Variants in CHTF8 observed in about 807,000 individuals in gnomAD.
The protein encoded by CHTF8 is chromosome transmission fidelity protein 8 homolog.
Under a neutral mutation model 11.0 loss-of-function variants are expected in CHTF8, and 6 were observed. The ratio of observed to expected loss-of-function variants is 0.55; its 90% CI spans 0.30 to 1.08. CHTF8 has a LOEUF of 1.08. Ranked by LOEUF, CHTF8 falls within the 50% of genes least tolerant of loss-of-function variation. CHTF8 has a pLI of 0.07. For missense variants in CHTF8, 140 were observed against 153.1 expected (o/e 0.91, Z 0.45); for synonymous variants, 53 against 60.5 (o/e 0.88, Z 0.57).
At chr16:69,130,135 C>G (rs1394314425) in intron 1 of CHTF8, among the ~76,000 whole-genome samples, 1 of 152,184 alleles carries the variant, frequency 6.6e-6, no homozygotes, top group Non-Finnish European at 1.5e-5. Flanking sequence ...GAGAACAGAA[C>G]AGCCTGAGCA....
Position 69,129,863 on chromosome 16 carries a change from G to C in CHTF8, c.-36+2621C>G, listed in dbSNP as rs573488544. On this transcript the variant is annotated intron_variant, in intron 1 of 3. Transcript: ENST00000448552. ...TTGCCACCAAAGTATTATATCTGTG[G>C]GGTAGGCAGCTAAAAACAAAGAAGC... 1.6e-4 allele frequency among the ~76,000 whole-genome samples: 24 copies of C among 152,284 alleles called. No homozygotes were observed. In the South Asian group the frequency reaches 4.6e-3, roughly 29 times the overall value.
In CHTF8 at chr16:69,118,876, G is replaced by C. The variant is rs746217118; in HGVS notation, c.*1549C>G. 34 of 702,828 alleles carry C rather than the reference G, an allele frequency of 4.8e-5. No individual in the cohort carries two copies. The allele number at this position is 702,828 out of a possible 1,614,324, so 43.5% of individuals were successfully genotyped here. A position where few individuals can be genotyped will look rare whatever the true frequency, so the allele number is the denominator to read the frequency against. On this transcript the variant is annotated 3_prime_UTR_variant, in exon 4 of 4. Coordinates refer to ENST00000448552, the MANE Select transcript of CHTF8 (RefSeq NM_001039690.5). ...TGTTTAAGGGGGCAACATTCCATTT[G>C]GGTACATTGCAGCCATTGGACCCCC...
chr16:69,128,055 C>T (rs981170613), intron 1 of CHTF8, among the ~76,000 whole-genome samples: 1 of 152,162 alleles, frequency 6.6e-6, no homozygotes, highest in Non-Finnish European at 1.5e-5. Flanking sequence ...ACTGGAATTA[C>T]AGGCACCTGC....
chr16:69,125,746 G>C (rs530055718), intron 1 of CHTF8, among the ~76,000 whole-genome samples: 6 of 152,156 alleles, frequency 3.9e-5, no homozygotes, highest in Non-Finnish European at 8.8e-5. Context: ...CTTTTATAAG[G>C]TTTCTTGAAG....
rs1961596186 is a variant in CHTF8, at chr16:69,120,803, A to G, written c.142-154T>C. ...AGCAGCCACACTGGACCACCCACCC[A>G]TGTGCCCTTTTTACTTTCTAGCCCC... is the stretch of plus-strand genomic sequence containing the variant. On this transcript the variant is annotated intron_variant, in intron 3 of 3. Coordinates refer to ENST00000448552, the MANE Select transcript of CHTF8 (RefSeq NM_001039690.5). The surrounding 1 kb of genome is among the most constrained non-coding windows in gnomAD (Gnocchi z 4.0). The G allele has an allele frequency of 2.7e-6, 2 of 736,484 alleles. No individual in the cohort carries two copies. Among genetic ancestry groups the G allele is most frequent in the Non-Finnish European group, 4.7e-6 (2 of 426,716 alleles). The allele number at this position is 736,484 out of a possible 1,614,324, so 45.6% of individuals were successfully genotyped here.
Position 69,120,748 on chromosome 16 carries a change from C to A in CHTF8, c.142-99G>T. 9.7e-7 allele frequency: 1 copy of A among 1,030,920 alleles called. No homozygotes were observed. Among genetic ancestry groups the A allele is most frequent in the Non-Finnish European group, 1.5e-6 (1 of 686,078 alleles). 63.9% of individuals were successfully genotyped at this position (1,030,920 alleles called of 1,614,324 possible). A position where few individuals can be genotyped will look rare whatever the true frequency, so the allele number is the denominator to read the frequency against. The stretch of plus-strand genomic sequence containing the variant: ...CTCTTGGCAGGCTATGCTGGCACCT[C>A]CAATCCCTGGTCTGGCTCTGCCATT... On this transcript the variant is annotated intron_variant, in intron 3 of 3. Coordinates refer to ENST00000448552, the MANE Select transcript of CHTF8 (RefSeq NM_001039690.5). The surrounding 1 kb of genome is among the most constrained non-coding windows in gnomAD (Gnocchi z 4.0).
intron 1 of CHTF8, among the ~76,000 whole-genome samples, chr16:69,124,145 T>C (rs970141439): frequency 6.6e-6 from 1 of 151,908 alleles, no homozygotes; most frequent in Non-Finnish European, 1.5e-5. Context: ...TTTCATTTTA[T>C]ACAACAGCAG....
Position 69,120,312 on chromosome 16 carries a change from G to A in CHTF8, c.*113C>T. On this transcript the variant is annotated 3_prime_UTR_variant, in exon 4 of 4. Transcript: ENST00000448552. This position sits in a 1 kb window ranked among gnomAD's most constrained non-coding sequence, Gnocchi z 4.0. ...AGTTCACACCCAGTGGGTGGCCTGT[G>A]TTCAGAACAGGACCCCCCTGTGGTC... is the stretch of plus-strand genomic sequence containing the variant. 9.8e-7 allele frequency: 1 copy of A among 1,020,332 alleles called. No homozygotes were observed. The highest frequency in any genetic ancestry group is 1.5e-6 in the Non-Finnish European group (1 of 653,632). The allele number at this position is 1,020,332 out of a possible 1,614,324, so 63.2% of individuals were successfully genotyped here. A position where few individuals can be genotyped will look rare whatever the true frequency, so the allele number is the denominator to read the frequency against.
chr16:69,130,477 G>C (rs1962418257), intron 1 of CHTF8, among the ~76,000 whole-genome samples: 1 of 152,106 alleles, frequency 6.6e-6, no homozygotes, highest in Non-Finnish European at 1.5e-5. Context: ...TTTGATCCCA[G>C]GGTGGATACT....
At chr16:69,121,236 C>T (rs1961631240) in intron 2 of CHTF8, 66 bp from the exon 3 acceptor site, 1 of 1,469,628 alleles carries the variant, frequency 6.8e-7, no homozygotes, top group African/African-American at 1.4e-5. Flanking sequence ...GTCCTCACAC[C>T]ACCATTTGAG....
chr16:69,120,905 GT>G lies in CHTF8; in HGVS notation c.141+147del. 6.2e-6 allele frequency: 5 copies of G among 808,034 alleles called. No homozygotes were observed. Among genetic ancestry groups the G allele is most frequent in the Middle Eastern group, 4.4e-4 (2 of 4,500 alleles). 50.1% of individuals were successfully genotyped at this position (808,034 alleles called of 1,614,324 possible). On this transcript the variant is annotated intron_variant, in intron 3 of 3. Coordinates refer to ENST00000448552, the MANE Select transcript of CHTF8 (RefSeq NM_001039690.5). This position sits in a 1 kb window ranked among gnomAD's most constrained non-coding sequence, Gnocchi z 4.0. ...ATTAAATTTCCCTGCTACTGCAGAG[GT>G]AGGGGGAGAACAAGCAGAGAGCATC...
At chr16:69,132,000 C>T (rs762977786) in intron 1 of CHTF8, 13 of 153,068 alleles carry the variant, frequency 8.5e-5, no homozygotes, top group Middle Eastern at 3.4e-3. Flanking sequence ...CTTCCCGCTA[C>T]TTCCTAGGTT....
intron 1 of CHTF8, among the ~76,000 whole-genome samples, chr16:69,130,826 C>A (rs527815693): frequency 6.6e-6 from 1 of 152,280 alleles, no homozygotes; most frequent in South Asian, 2.1e-4. Context: ...ACGAAAGCAG[C>A]AGGTCATCAG....
Position 69,118,924 on chromosome 16 carries a change from T to G in CHTF8, c.*1501A>C. On this transcript the variant is annotated 3_prime_UTR_variant, in exon 4 of 4. Transcript: ENST00000448552. ...CCCTGGTCTGGGGAAAGCAGCTGGG[T>G]TTGTGCCAGGGAGGCTCCCCACTCT... 1.4e-6 allele frequency: 1 copy of G among 702,992 alleles called. No individual in the cohort carries two copies. Among genetic ancestry groups the G allele is most frequent in the Non-Finnish European group, 2.6e-6 (1 of 385,002 alleles). The allele number at this position is 702,992 out of a possible 1,614,324, so 43.5% of individuals were successfully genotyped here.
At chr16:69,121,673 T>G (rs1161375422) in intron 1 of CHTF8, among the ~76,000 whole-genome samples, 180 bp from the exon 2 acceptor site, 1 of 147,930 alleles carries the variant, frequency 6.8e-6, no homozygotes, top group Non-Finnish European at 1.5e-5. Context: ...GAGATGGGGT[T>G]TTTTTTTTTT....
intron 1 of CHTF8, among the ~76,000 whole-genome samples, chr16:69,130,228 G>A (rs1962399215): frequency 6.6e-6 from 1 of 152,010 alleles, no homozygotes; most frequent in Non-Finnish European, 1.5e-5. Context: ...ATGGCTTATA[G>A]CAAAAAAGAG....
At chr16:69,121,201 T>C (rs2152266839) in intron 2 of CHTF8, 31 bp from the exon 3 acceptor site, 1 of 1,590,398 alleles carries the variant, frequency 6.3e-7, no homozygotes, top group Non-Finnish European at 8.6e-7. Flanking sequence ...GTTACAATAT[T>C]TTTGAGGGGT....
Position 69,121,436 on chromosome 16 carries a change from C to G in CHTF8, c.23G>C (p.Ser8Thr), listed in dbSNP as rs141542657. Residue 8 changes from serine to threonine, a missense_variant and splice_region_variant, in exon 2 of 4, where the codon AGT becomes ACT. Physicochemically the swap from Ser to Thr is moderately conservative, Grantham distance 58. Coordinates refer to ENST00000448552, the MANE Select transcript of CHTF8 (RefSeq NM_001039690.5). MVQIVISSARAGGLAEWV... is the reference protein window; with the variant it reads MVQIVISTARAGGLAEWV... ...TTTTAAAATCTCAAAATGTACTTAC[C>G]TGGAAATAACAATTTGCACCATGAG... The G allele has an allele frequency of 6.2e-7, 1 of 1,607,422 alleles. No individual in the cohort carries two copies. The highest frequency in any genetic ancestry group is 2.2e-5 in the East Asian group (1 of 44,858).
rs1961405197 is a variant in CHTF8, at chr16:69,119,099, G to C, written c.*1326C>G. 1.4e-6 allele frequency: 1 copy of C among 703,066 alleles called. No individual in the cohort carries two copies. Among genetic ancestry groups the C allele is most frequent in the Admixed American group, 2.0e-5 (1 of 50,028 alleles). 43.6% of individuals were successfully genotyped at this position (703,066 alleles called of 1,614,324 possible). On this transcript the variant is annotated 3_prime_UTR_variant, in exon 4 of 4. Transcript: ENST00000448552. ...GAAGGGCCCAGATGCCCGGCAGCTG[G>C]CCTGGGGAAAGTAACTTGACCAGGG...
Sources: gnomAD v4.1 joint callset for allele counts (sites outside exome capture counted in the v4.1 genomes callset) on GRCh38, gnomAD v4.1.1 for gene constraint, Gnocchi (gnomAD v3.1) non-coding constraint, MANE v1.5 for transcripts, NCBI Gene and HGNC (gene_info 2026-07-23, HGNC 2026-07-21) for gene names.